ASTN1: variants seen among roughly 807,000 people sequenced by gnomAD.
ASTN1 encodes the protein astrotactin 1, also known as astrotactin-1.
In ASTN1, 41 loss-of-function variants were observed where a neutral mutation model predicts 140.7. The ratio of observed to expected loss-of-function variants is 0.29; its 90% CI spans 0.23 to 0.38. ASTN1 has a LOEUF of 0.38. Among genes scored for constraint, ASTN1 ranks in the 10% least tolerant of loss-of-function variants. ASTN1 has a pLI of 1.00. For missense variants in ASTN1, 1,479 were observed against 1,678.8 expected (o/e 0.88, Z 2.08); for synonymous variants, 640 against 652.2 (o/e 0.98, Z 0.29).
intron 7 of ASTN1, among the ~76,000 whole-genome samples, chr1:177,021,179 GC>G (rs1369702069): frequency 5.4e-4 from 82 of 152,318 alleles, no homozygotes; most frequent in African/African-American, 1.7e-3. Context: ...TTGTTTCTCA[GC>G]TGCTATCCAA....
chr1:176,979,176 T>C (rs1673496370), intron 8 of ASTN1, among the ~76,000 whole-genome samples: 1 of 152,206 alleles, frequency 6.6e-6, no homozygotes, highest in Non-Finnish European at 1.5e-5. Context: ...GGAACTTCCA[T>C]GCTTTAAATC....
intron 1 of ASTN1, among the ~76,000 whole-genome samples, chr1:177,067,390 A>G (rs986351688): frequency 1.3e-5 from 2 of 152,188 alleles, no homozygotes; most frequent in Non-Finnish European, 2.9e-5. Flanking sequence ...ACTGTCAAAC[A>G]CTAAGAATAA....
intron 2 of ASTN1, among the ~76,000 whole-genome samples, chr1:177,049,247 C>A (rs1030120456): frequency 1.3e-5 from 2 of 152,108 alleles, no homozygotes; most frequent in Non-Finnish European, 2.9e-5. Flanking sequence ...CACCTATGTG[C>A]TCCTGGTATG....
intron 11 of ASTN1, among the ~76,000 whole-genome samples, chr1:176,949,840 A>G (rs1432361526): frequency 6.6e-6 from 1 of 152,214 alleles, no homozygotes; most frequent in Non-Finnish European, 1.5e-5. Flanking sequence ...GGACTGAGCC[A>G]GGGCTTCCAG....
At chr1:176,990,405 G>A (rs1674102583) in intron 8 of ASTN1, among the ~76,000 whole-genome samples, 1 of 152,070 alleles carries the variant, frequency 6.6e-6, no homozygotes, top group Non-Finnish European at 1.5e-5. Context: ...GAAGGAAGAA[G>A]TGCAATGGCC....
rs1168247494 is a variant in ASTN1, at chr1:177,061,063, C to T, written c.471+15G>A. ...TAAGCTATGGCCTGAGAGGCTAAGG[C>T]TGTTCTGCTCTTACCATGACTGAGA... On this transcript the variant is annotated intron_variant, in intron 2 of 22. Coordinates refer to ENST00000361833, the MANE Select transcript of ASTN1 (RefSeq NM_004319.3). 4 of 1,557,890 alleles carry T rather than the reference C, an allele frequency of 2.6e-6. No individual in the cohort carries two copies. The highest frequency in any genetic ancestry group is 3.5e-6 in the Non-Finnish European group (4 of 1,151,238).
chr1:177,080,607 ATTAGAG>A (rs1253333916), intron 1 of ASTN1, among the ~76,000 whole-genome samples: 1 of 152,214 alleles, frequency 6.6e-6, no homozygotes, highest in Non-Finnish European at 1.5e-5. Context: ...ATGAAACAGG[ATTAGAG>A]TTAGAGTTCA....
At chr1:177,139,971 A>G (rs986441597) in intron 1 of ASTN1, among the ~76,000 whole-genome samples, 7 of 152,208 alleles carry the variant, frequency 4.6e-5, no homozygotes, top group Admixed American at 2.6e-4. Flanking sequence ...AAGAAAATCT[A>G]TTTGCAAATA....
At chr1:176,903,046 G>A (rs1283207960) in intron 16 of ASTN1, among the ~76,000 whole-genome samples, 1 of 152,192 alleles carries the variant, frequency 6.6e-6, no homozygotes, top group Non-Finnish European at 1.5e-5. Flanking sequence ...ACACTTGGAA[G>A]CATTCAAGAA....
chr1:176,862,425 T>C lies in ASTN1; in HGVS notation c.*1859A>G, dbSNP rs41267146. The stretch of plus-strand genomic sequence containing the variant: ...GCTCTAGCTCCAAAGGCTAAGGGCG[T>C]ACTTTCGCCCCTCCTCCTTCCACTG... On this transcript the variant is annotated 3_prime_UTR_variant, in exon 23 of 23. Transcript: ENST00000361833. The C allele has an allele frequency of 0.093, 91,559 of 985,290 alleles. 4,702 individuals carry two copies. The highest frequency in any genetic ancestry group is 0.19 in the African/African-American group (10,942 of 57,300). The allele number at this position is 985,290 out of a possible 1,614,324, so 61.0% of individuals were successfully genotyped here. A position where few individuals can be genotyped will look rare whatever the true frequency, so the allele number is the denominator to read the frequency against.
chr1:176,870,026 C>T (rs1242155756), intron 21 of ASTN1, among the ~76,000 whole-genome samples: 2 of 152,076 alleles, frequency 1.3e-5, no homozygotes, highest in African/African-American at 4.8e-5. Flanking sequence ...ATTTCTTCCT[C>T]AAAGGCATAA....
chr1:176,861,193 C>T lies in ASTN1; in HGVS notation c.*3091G>A, dbSNP rs974489026. ...CATATTATATTCTTTCTTCCTTCTG[C>T]AGTAGTAAAGTGTTTTTCTTCATAC... On this transcript the variant is annotated 3_prime_UTR_variant, in exon 23 of 23. Coordinates refer to ENST00000361833, the MANE Select transcript of ASTN1 (RefSeq NM_004319.3). 1.0e-5 allele frequency: 10 copies of T among 966,854 alleles called. No individual in the cohort carries two copies. The African/African-American group carries it at 1.2e-4, about 12-fold the overall frequency. The allele number at this position is 966,854 out of a possible 1,614,324, so 59.9% of individuals were successfully genotyped here.
rs548754408 is a variant in ASTN1, at chr1:177,132,454, A to G, written c.283+31940T>C. ...GGTAACTTTGTGATTCTGCAGCTGAATTTTTGCATGCCCTTTCCTGAACCC... is the reference window on the plus strand; with the variant it reads ...GGTAACTTTGTGATTCTGCAGCTGAGTTTTTGCATGCCCTTTCCTGAACCC... On this transcript the variant is annotated intron_variant, in intron 1 of 22. Transcript: ENST00000361833. 3.0e-4 allele frequency among the ~76,000 whole-genome samples: 45 copies of G among 152,268 alleles called. 1 individual carries two copies. In the South Asian group the frequency reaches 9.1e-3, roughly 31 times the overall value.
intron 18 of ASTN1, among the ~76,000 whole-genome samples, chr1:176,885,763 C>A (rs1669009199): frequency 6.6e-6 from 1 of 152,130 alleles, no homozygotes; most frequent in African/African-American, 2.4e-5. Context: ...AAGCCCATCC[C>A]AGTCCCTTCT....
chr1:177,056,004 G>A (rs759730666), intron 2 of ASTN1, among the ~76,000 whole-genome samples: 19 of 152,130 alleles, frequency 1.2e-4, no homozygotes, highest in Admixed American at 2.6e-4. Flanking sequence ...CTCTACATTG[G>A]AAGCGGCTGT....
intron 1 of ASTN1, among the ~76,000 whole-genome samples, chr1:177,129,230 A>G (rs992081917): frequency 1.3e-5 from 2 of 152,216 alleles, no homozygotes; most frequent in Non-Finnish European, 2.9e-5. Flanking sequence ...CCTGGGCTAT[A>G]TAATCACTGC....
chr1:177,054,716 T>G (rs576194644), intron 2 of ASTN1, among the ~76,000 whole-genome samples: 3 of 152,204 alleles, frequency 2.0e-5, no homozygotes, highest in Admixed American at 2.0e-4. Context: ...CTGGAAACAC[T>G]GTGAAGCTGT....
chr1:177,097,976 A>G (rs1438107132), intron 1 of ASTN1, among the ~76,000 whole-genome samples: 3 of 152,178 alleles, frequency 2.0e-5, no homozygotes, highest in African/African-American at 7.2e-5. Flanking sequence ...ATACCCTTCC[A>G]TATCTATCTC....
At chr1:176,942,626 AC>A (rs1483116607) in intron 14 of ASTN1, among the ~76,000 whole-genome samples, 1 of 150,902 alleles carries the variant, frequency 6.6e-6, no homozygotes, top group Non-Finnish European at 1.5e-5. Flanking sequence ...ATTCAAAGTC[AC>A]CCCACTGCTC....
Sources: gnomAD v4.1 joint callset for allele counts (sites outside exome capture counted in the v4.1 genomes callset) on GRCh38, gnomAD v4.1.1 for gene constraint, MANE v1.5 for transcripts, NCBI Gene and HGNC (gene_info 2026-07-23, HGNC 2026-07-21) for gene names.